Variants in GOLGA4 observed in about 807,000 individuals in gnomAD.
GOLGA4 encodes golgin A4, also known as golgin subfamily A member 4.
In GOLGA4, 169 loss-of-function variants were observed where a neutral mutation model predicts 265.9. The ratio of observed to expected loss-of-function variants is 0.64; its 90% CI spans 0.56 to 0.72. The LOEUF (loss-of-function observed/expected upper bound fraction) is 0.72, where lower values mean the gene tolerates loss of function less well. Ranked by LOEUF, GOLGA4 falls within the 30% of genes least tolerant of loss-of-function variation. GOLGA4 has a pLI of 0.00. For synonymous variants in GOLGA4, 923 were observed against 855.8 expected, an observed-to-expected ratio of 1.08 and a Z score of -1.37; for missense variants, 2,482 against 2,483.4, an observed-to-expected ratio of 1.00 and a Z score of 0.01.
Position 37,276,455 on chromosome 3 carries a change from G to C in GOLGA4, c.163-5503G>C, listed in dbSNP as rs28576155. 2.6e-3 allele frequency: 4,223 copies of C among 1,610,938 alleles called. 84 individuals are homozygous for C. The African/African-American group carries it at 0.049, about 19-fold the overall frequency. Reference sequence around the variant, plus strand: ...AGAGCATCAGATGGCCAAGACTGGTGGGACCCAGACTGACTTGTTCACATG... The same window carrying C: ...AGAGCATCAGATGGCCAAGACTGGTCGGACCCAGACTGACTTGTTCACATG... On this transcript the variant is annotated intron_variant, in intron 2 of 23. Coordinates refer to ENST00000361924, the MANE Select transcript of GOLGA4 (RefSeq NM_002078.5).
chr3:37,303,483 A>G (rs1231239946), intron 10 of GOLGA4, among the ~76,000 whole-genome samples: 1 of 152,204 alleles, frequency 6.6e-6, no homozygotes. Flanking sequence ...CTTAATGAAT[A>G]GTAGTGTGGA....
chr3:37,308,768 A>G (rs1369316900), intron 10 of GOLGA4, among the ~76,000 whole-genome samples: 1 of 151,772 alleles, frequency 6.6e-6, no homozygotes, highest in Admixed American at 6.5e-5. Context: ...GGCGTGTGCC[A>G]CTACGCCCAG....
At chr3:37,268,070 ACTG>A (rs2096788328) in intron 2 of GOLGA4, among the ~76,000 whole-genome samples, 1 of 151,704 alleles carries the variant, frequency 6.6e-6, no homozygotes, top group South Asian at 2.1e-4. Context: ...AGACTTGTTT[ACTG>A]TTTTTATTTA....
At chr3:37,344,233 C>G (rs2097048625) in intron 20 of GOLGA4, among the ~76,000 whole-genome samples, 1 of 152,224 alleles carries the variant, frequency 6.6e-6, no homozygotes, top group East Asian at 1.9e-4. Context: ...TCTAAAGTAG[C>G]TGGGATTACA....
In GOLGA4 at chr3:37,251,457, A is replaced by T; in HGVS notation, c.135A>T (p.Gln45His). The part of the protein sequence containing the change: ...MRSRTSSFTE[Q>H]LDEGTPNRES... ...GCAGGACATCTTCATTTACAGAGCA[A>T]CTTGATGAAGGTACACCCAATAGAG... Residue 45 changes from glutamine to histidine, a missense_variant, in exon 2 of 24, where the codon CAA (glutamine) becomes CAT (histidine). By Grantham distance (24) the Gln-to-His change is conservative (BLOSUM62 0). Coordinates refer to ENST00000361924, the MANE Select transcript of GOLGA4 (RefSeq NM_002078.5). 6.2e-7 allele frequency: 1 copy of T among 1,610,268 alleles called. No individual in the cohort carries two copies.
At chr3:37,348,987 C>T (rs576374304) in intron 21 of GOLGA4, among the ~76,000 whole-genome samples, 3 of 152,258 alleles carry the variant, frequency 2.0e-5, no homozygotes, top group African/African-American at 7.2e-5. Flanking sequence ...TCCCATGGCA[C>T]AAGCAGCCCC....
At chr3:37,315,757 T>TA (rs2096935870) in intron 11 of GOLGA4, among the ~76,000 whole-genome samples, 159 bp downstream of exon 11, 1 of 152,234 alleles carries the variant, frequency 6.6e-6, no homozygotes, top group South Asian at 2.1e-4. Flanking sequence ...TAAATGCATT[T>TA]AATACTTAGG....
chr3:37,339,292 C>G (rs2097025043), intron 19 of GOLGA4, among the ~76,000 whole-genome samples: 1 of 152,108 alleles, frequency 6.6e-6, no homozygotes, highest in African/African-American at 2.4e-5. Context: ...TTTTGTTTAT[C>G]CATTCATCAG....
intron 1 of GOLGA4, among the ~76,000 whole-genome samples, chr3:37,251,033 A>G (rs1034004011): frequency 6.6e-6 from 1 of 152,144 alleles, no homozygotes. Flanking sequence ...GGTTTATAGA[A>G]AAGTTCTAAA....
chr3:37,264,433 G>A (rs976498021), intron 2 of GOLGA4, among the ~76,000 whole-genome samples: 2 of 152,152 alleles, frequency 1.3e-5, no homozygotes, highest in African/African-American at 4.8e-5. Flanking sequence ...TGAGAATTTA[G>A]TGTAAAGTTA....
At chr3:37,287,811 A>T (rs545653490) in intron 4 of GOLGA4, among the ~76,000 whole-genome samples, 1 of 152,274 alleles carries the variant, frequency 6.6e-6, no homozygotes, top group East Asian at 1.9e-4. Flanking sequence ...TTATTCACTT[A>T]CAAGTCCCCA....
Position 37,286,299 on chromosome 3 carries a change from G to A in GOLGA4, c.525+238G>A, listed in dbSNP as rs552127163. On this transcript the variant is annotated intron_variant, in intron 4 of 23. Transcript: ENST00000361924. ...CTCCCGAGTAGCTGGGACTACAGGC[G>A]CCCGCCACCGCGCCCGGCTAATTTT... Among the ~76,000 whole-genome samples, 12 of 150,364 alleles carry A rather than the reference G, an allele frequency of 8.0e-5. No individual in the cohort carries two copies. The East Asian group carries it at 1.9e-3, about 24-fold the overall frequency.
intron 21 of GOLGA4, among the ~76,000 whole-genome samples, chr3:37,351,158 T>G (rs192252734): frequency 6.6e-6 from 1 of 152,302 alleles, no homozygotes; most frequent in East Asian, 1.9e-4. Flanking sequence ...CTAAATACTT[T>G]GATGTCATTT....
intron 1 of GOLGA4, chr3:37,243,917 G>C (rs1368239807): frequency 1.2e-5 from 5 of 424,384 alleles, no homozygotes; most frequent in Middle Eastern, 6.2e-4. Flanking sequence ...GTCCGAACTT[G>C]CATGATTTCT....
At chr3:37,356,380 A>G (rs1012739160) in intron 22 of GOLGA4, among the ~76,000 whole-genome samples, 12 of 152,042 alleles carry the variant, frequency 7.9e-5, no homozygotes, top group African/African-American at 2.9e-4. Context: ...CTTTGTCCCA[A>G]TGCTTCATTG....
chr3:37,264,492 A>G (rs1051145977), intron 2 of GOLGA4, among the ~76,000 whole-genome samples: 1 of 152,200 alleles, frequency 6.6e-6, no homozygotes, highest in Non-Finnish European at 1.5e-5. Flanking sequence ...AATATAAAAG[A>G]CTTTGAAATG....
intron 2 of GOLGA4, among the ~76,000 whole-genome samples, chr3:37,254,384 T>G (rs2096742478): frequency 5.9e-5 from 9 of 152,184 alleles, no homozygotes; most frequent in Admixed American, 5.9e-4. Flanking sequence ...GAACTTTGAG[T>G]GCAAAAACTG....
At position 37,295,017 on chromosome 3, in the gene GOLGA4, A is replaced by G. The variant is rs755890979; in HGVS notation, c.621A>G (p.Gln207=). The G allele has an allele frequency of 1.9e-6, 3 of 1,611,548 alleles. No homozygotes were observed. The highest frequency in any genetic ancestry group is 2.5e-6 in the Non-Finnish European group (3 of 1,178,296). Residue 207 remains glutamine (Q), a synonymous_variant, in exon 6 of 24, where the codon CAA becomes CAG. Transcript: ENST00000361924. ...ACCAGCAGGCAAAGAAACATCTGCA[A>G]GAGGAGTTTGATGCATCTTTAGAGG... is the stretch of plus-strand genomic sequence containing the variant. ...QMDQQAKKHL[Q]EEFDASLEEK...
chr3:37,331,323 G>C (rs769569075), intron 16 of GOLGA4, among the ~76,000 whole-genome samples: 11 of 152,278 alleles, frequency 7.2e-5, no homozygotes, highest in Non-Finnish European at 1.5e-4. Flanking sequence ...AGTGCCTGCT[G>C]TATTGAATAG....
Sources: gnomAD v4.1 joint callset for allele counts (sites outside exome capture counted in the v4.1 genomes callset) on GRCh38, gnomAD v4.1.1 for gene constraint, MANE v1.5 for transcripts, NCBI Gene and HGNC (gene_info 2026-07-23, HGNC 2026-07-21) for gene names.